TAB2: variants seen among roughly 807,000 people sequenced by gnomAD.
TAB2 encodes TGF-beta activated kinase 1 (MAP3K7) binding protein 2, also known as TGF-beta-activated kinase 1 and MAP3K7-binding protein 2.
A neutral mutation model predicts 65.0 loss-of-function variants in TAB2; 3 were observed. The observed-to-expected ratio is 0.05, with a 90% CI of 0.02 to 0.12. TAB2 has a LOEUF of 0.12. Ranked by LOEUF, TAB2 falls within the 10% of genes least tolerant of loss-of-function variation. The probability of loss-of-function intolerance (pLI) is 1.00; values close to 1 mark genes in which losing one functional copy is unlikely to be tolerated. For missense variants in TAB2, 623 were observed against 840.3 expected (o/e 0.74, Z 3.20); for synonymous variants, 298 against 285.1 (o/e 1.05, Z -0.46).
intron 1 of TAB2, chr6:149,342,734 A>AGAT (rs1780168813): frequency 6.6e-6 from 1 of 152,192 alleles, no homozygotes; most frequent in Admixed American, 6.5e-5. Flanking sequence ...TATCCCGTAG[A>AGAT]GATGAGCTCA....
At chr6:149,247,633 G>A (rs1383913693) in intron 1 of TAB2, 2 of 152,196 alleles carry the variant, frequency 1.3e-5, no homozygotes, top group African/African-American at 2.4e-5. Context: ...TTTCATAACT[G>A]CCCCTATGGG....
At chr6:149,304,437 CAA>C (rs1364438573) in intron 1 of TAB2, 1 of 153,152 alleles carries the variant, frequency 6.5e-6, no homozygotes. Flanking sequence ...CCTTCAGTAA[CAA>C]AAGTCTGTGA....
In TAB2 at chr6:149,272,618, A is replaced by G. The variant is rs74741666; in HGVS notation, c.-121+53842A>G. Reference sequence around the variant, plus strand: ...CTTGTGATTACCATGTGCCCACCCAAATCATCCAGGATAATCTTCTCATCT... The same window carrying G: ...CTTGTGATTACCATGTGCCCACCCAGATCATCCAGGATAATCTTCTCATCT... On this transcript the variant is annotated intron_variant, in intron 1 of 1. Coordinates refer to the TAB2 transcript ENST00000606202. 5.0e-3 allele frequency among the ~76,000 whole-genome samples: 754 copies of G among 152,220 alleles called. 5 individuals are homozygous for G. The highest frequency in any genetic ancestry group is 0.018 in the African/African-American group (727 of 41,510).
intron 2 of TAB2, among the ~76,000 whole-genome samples, chr6:149,373,395 G>A (rs538327618): frequency 6.6e-6 from 1 of 152,260 alleles, no homozygotes; most frequent in East Asian, 1.9e-4. Context: ...CATGTACTTA[G>A]TGGAACCTTC....
upstream of TAB2, among the ~76,000 whole-genome samples, chr6:149,317,181 C>T (rs1057394676): frequency 6.6e-6 from 1 of 152,098 alleles, no homozygotes; most frequent in African/African-American, 2.4e-5. The surrounding 1 kb of genome is among the most constrained non-coding windows in gnomAD (Gnocchi z 4.7). Flanking sequence ...TCAGCCCAAA[C>T]TGCTAGCGGC....
chr6:149,275,234 G>GAGAAAGAAAGAAAGAA (rs746637120), intron 1 of TAB2, among the ~76,000 whole-genome samples: 154 of 65,404 alleles, frequency 2.4e-3, no homozygotes, highest in South Asian at 4.1e-3. Context: ...GGGAGAGAGA[G>GAGAAAGAAAGAAAGAA]AGAAAGAAAG....
At chr6:149,317,056 G>C (rs1779272947), upstream of TAB2, among the ~76,000 whole-genome samples, 1 of 150,194 alleles carries the variant, frequency 6.7e-6, no homozygotes, top group Non-Finnish European at 1.5e-5. The surrounding 1 kb of genome is among the most constrained non-coding windows in gnomAD (Gnocchi z 4.7). Flanking sequence ...CCGGGCCCCC[G>C]GACCCCACCC....
intron 1 of TAB2, among the ~76,000 whole-genome samples, chr6:149,307,307 G>A (rs1280138328): frequency 6.6e-6 from 1 of 152,150 alleles, no homozygotes; most frequent in Non-Finnish European, 1.5e-5. Flanking sequence ...GGAGAAGAGT[G>A]ACATGGACAA....
chr6:149,340,727 T>C (rs1373121637), intron 1 of TAB2, among the ~76,000 whole-genome samples: 4 of 152,188 alleles, frequency 2.6e-5, no homozygotes, highest in Non-Finnish European at 5.9e-5. Context: ...CCCTTCTTTC[T>C]GAGGAATGCA....
intron 1 of TAB2, among the ~76,000 whole-genome samples, chr6:149,306,077 G>A (rs77208944): frequency 0.048 from 7,302 of 152,250 alleles, 223 homozygotes; most frequent in Non-Finnish European, 0.075. Flanking sequence ...CTGTTATACA[G>A]GGCTATACAA....
chr6:149,236,607 T>TA (rs1204530235), intron 1 of TAB2, among the ~76,000 whole-genome samples: 6 of 152,202 alleles, frequency 3.9e-5, no homozygotes, highest in Middle Eastern at 3.2e-3. Context: ...CTTTTTTATA[T>TA]AAAAATTTTT....
intron 1 of TAB2, among the ~76,000 whole-genome samples, chr6:149,325,705 C>A (rs1277440213): frequency 6.6e-6 from 1 of 152,084 alleles, no homozygotes; most frequent in African/African-American, 2.4e-5. Context: ...AAAACTTGTG[C>A]CACTTTATCT....
rs547616969 is a variant in TAB2 at position 149,330,576 on chromosome 6, A to G, written c.-90+12561A>G. 1.6e-4 allele frequency among the ~76,000 whole-genome samples: 25 copies of G among 152,312 alleles called. 1 individual carries two copies. The South Asian group carries it at 5.2e-3, about 32-fold the overall frequency. On this transcript the variant is annotated intron_variant, in intron 1 of 6. Transcript: ENST00000637181. ...TCATGTACTTCTTTGCTGTCTACAT[A>G]TCCTTTGTGGTGAAATGTGTTCAAG...
At chr6:149,406,307 T>C (rs962489537) in intron 6 of TAB2, among the ~76,000 whole-genome samples, 3 of 152,330 alleles carry the variant, frequency 2.0e-5, no homozygotes, top group South Asian at 4.1e-4. Flanking sequence ...GAATTATGGA[T>C]AGGAAAATGT....
At chr6:149,263,521 G>A (rs892530284) in intron 1 of TAB2, among the ~76,000 whole-genome samples, 9 of 152,176 alleles carry the variant, frequency 5.9e-5, no homozygotes, top group Non-Finnish European at 2.9e-5. Flanking sequence ...GTGCATAGGA[G>A]GTGAATTGGG....
intron 1 of TAB2, among the ~76,000 whole-genome samples, chr6:149,336,845 A>T (rs1340372921): frequency 6.6e-6 from 1 of 152,090 alleles, no homozygotes; most frequent in Non-Finnish European, 1.5e-5. Flanking sequence ...AAGCAGGTGA[A>T]TTTAATAGAG....
intron 6 of TAB2, chr6:149,400,358 T>C (rs773262578): frequency 1.2e-6 from 2 of 1,604,958 alleles, no homozygotes; most frequent in South Asian, 2.2e-5. Context: ...ACCTCTTTTG[T>C]GAAGCAGCAG....
rs1782323166 is a variant in TAB2, at chr6:149,400,160, G to A, written c.1939+976G>A. 35 of 560,086 alleles carry A rather than the reference G, an allele frequency of 6.2e-5. No homozygotes were observed. In the South Asian group the frequency reaches 8.0e-4, roughly 13 times the overall value. 34.7% of individuals were successfully genotyped at this position (560,086 alleles called of 1,614,324 possible). On this transcript the variant is annotated intron_variant, in intron 6 of 6. Coordinates refer to ENST00000637181, the MANE Select transcript of TAB2 (RefSeq NM_001292034.3). ...ATGGATTAAACTCACCACTCACAAG[G>A]AGTTGTATGAATGGATTTTAAAAAC...
At chr6:149,237,358 C>A (rs1235166289) in intron 1 of TAB2, among the ~76,000 whole-genome samples, 2 of 152,190 alleles carry the variant, frequency 1.3e-5, no homozygotes, top group Non-Finnish European at 2.9e-5. Context: ...AGGACTTTCA[C>A]ATCTGTTAAG....
Sources: gnomAD v4.1 joint callset for allele counts (sites outside exome capture counted in the v4.1 genomes callset) on GRCh38, gnomAD v4.1.1 for gene constraint, Gnocchi (gnomAD v3.1) non-coding constraint, MANE v1.5 for transcripts, NCBI Gene and HGNC (gene_info 2026-07-23, HGNC 2026-07-21) for gene names.